The following ACBD6 variants were observed in gnomAD, a reference collection of about 807,000 sequenced individuals.
The protein encoded by ACBD6 is acyl-CoA binding domain containing 6.
ACBD6 carries 28 observed loss-of-function variants against 37.2 expected under a neutral mutation model. That is an observed-to-expected ratio of 0.75 (90% confidence interval 0.56 to 1.03). ACBD6 has a LOEUF of 1.03. Among genes scored for constraint, ACBD6 ranks in the 50% least tolerant of loss-of-function variants. ACBD6 has a pLI of 0.00. For synonymous variants in ACBD6, 113 were observed against 126.8 expected, an observed-to-expected ratio of 0.89 and a Z score of 0.73; for missense variants, 340 against 337.4, an observed-to-expected ratio of 1.01 and a Z score of -0.06.
chr1:180,432,121 T>C lies in ACBD6; in HGVS notation c.385-1859A>G, dbSNP rs139077611. ...ACCTAGGAGGCTGAAGCACAAGAAT[T>C]GCTTCAGCCTGGGATGCAGAAGCTG... On this transcript the variant is annotated intron_variant, in intron 3 of 7. Coordinates refer to ENST00000367595, the MANE Select transcript of ACBD6 (RefSeq NM_032360.4). 5.7e-3 allele frequency among the ~76,000 whole-genome samples: 870 copies of C among 151,700 alleles called. 6 individuals are homozygous for C. The highest frequency in any genetic ancestry group is 0.02 in the African/African-American group (808 of 41,282).
chr1:180,296,063 A>AT (rs1649905452), intron 7 of ACBD6, among the ~76,000 whole-genome samples: 2 of 152,246 alleles, frequency 1.3e-5, no homozygotes, highest in African/African-American at 4.8e-5. Flanking sequence ...GAAGAAAATT[A>AT]AAGCACTATT....
chr1:180,420,108 C>T (rs1051457426), intron 4 of ACBD6, among the ~76,000 whole-genome samples: 9 of 152,106 alleles, frequency 5.9e-5, no homozygotes, highest in Admixed American at 1.3e-4. Flanking sequence ...ACATCTTGTT[C>T]CTCATCATAT....
At chr1:180,279,316 A>G (rs1649233771) in intron 9 of ACBD6, among the ~76,000 whole-genome samples, 1 of 152,024 alleles carries the variant, frequency 6.6e-6, no homozygotes, top group Non-Finnish European at 1.5e-5. Flanking sequence ...TTTTTTTTTG[A>G]GACAGAGTCT....
intron 2 of ACBD6, among the ~76,000 whole-genome samples, chr1:180,494,383 T>C (rs538705554): frequency 2.0e-5 from 3 of 152,212 alleles, no homozygotes; most frequent in Admixed American, 6.5e-5. Context: ...ACATCAGGTA[T>C]TCTTTAGAAC....
chr1:180,378,731 G>C (rs1251605378), intron 6 of ACBD6, among the ~76,000 whole-genome samples: 1 of 152,128 alleles, frequency 6.6e-6, no homozygotes, highest in African/African-American at 2.4e-5. Context: ...TCCCTGCTGG[G>C]GTTTGAGGTT....
intron 6 of ACBD6, among the ~76,000 whole-genome samples, chr1:180,331,964 C>T (rs184746646): frequency 5.9e-5 from 9 of 152,298 alleles, no homozygotes; most frequent in African/African-American, 2.2e-4. Flanking sequence ...TTTCTCTTTA[C>T]TTCATTGTTA....
intron 7 of ACBD6, among the ~76,000 whole-genome samples, chr1:180,290,844 T>C (rs16855695): frequency 0.052 from 7,985 of 152,218 alleles, 682 homozygotes; most frequent in African/African-American, 0.17. Context: ...AGAGGTTGGA[T>C]TGAAGTCAAG....
At chr1:180,354,703 T>C (rs1652555845) in intron 6 of ACBD6, among the ~76,000 whole-genome samples, 1 of 152,190 alleles carries the variant, frequency 6.6e-6, no homozygotes, top group African/African-American at 2.4e-5. Context: ...GGAGAATGAA[T>C]GACTGTATTA....
At chr1:180,291,724 T>C (rs1649714817) in intron 7 of ACBD6, among the ~76,000 whole-genome samples, 1 of 152,182 alleles carries the variant, frequency 6.6e-6, no homozygotes, top group African/African-American at 2.4e-5. Flanking sequence ...TTTTTTCTTT[T>C]ATAGTTTGTG....
chr1:180,289,073 A>G (rs975759098), intron 7 of ACBD6, among the ~76,000 whole-genome samples: 2 of 151,644 alleles, frequency 1.3e-5, no homozygotes, highest in Non-Finnish European at 2.9e-5. Context: ...CAATGGGTGT[A>G]ACTGATAAGT....
At chr1:180,448,591 G>C (rs570560132) in intron 3 of ACBD6, among the ~76,000 whole-genome samples, 1 of 152,240 alleles carries the variant, frequency 6.6e-6, no homozygotes, top group Admixed American at 6.5e-5. Context: ...TATACTGGAA[G>C]AAAGTTTTGG....
At chr1:180,281,761 G>C (rs1351362489) in intron 8 of ACBD6, among the ~76,000 whole-genome samples, 1 of 150,572 alleles carries the variant, frequency 6.6e-6, no homozygotes, top group Admixed American at 6.6e-5. Context: ...AGTTAGGAGG[G>C]AGAAAAAAAA....
chr1:180,415,162 G>C (rs1054678200), intron 4 of ACBD6, among the ~76,000 whole-genome samples: 1 of 151,964 alleles, frequency 6.6e-6, no homozygotes, highest in African/African-American at 2.4e-5. Flanking sequence ...ATTTTGGGAG[G>C]CCAAGGCGGG....
chr1:180,491,626 C>T (rs1053808364), intron 3 of ACBD6, among the ~76,000 whole-genome samples: 9 of 152,076 alleles, frequency 5.9e-5, no homozygotes, highest in Admixed American at 1.3e-4. Flanking sequence ...GCATTTTGCC[C>T]TTGCATAGAA....
At chr1:180,477,261 A>C (rs1650835542) in intron 3 of ACBD6, among the ~76,000 whole-genome samples, 1 of 152,160 alleles carries the variant, frequency 6.6e-6, no homozygotes, top group African/African-American at 2.4e-5. Context: ...AGGTGACTGA[A>C]ACCCCTCAGA....
At chr1:180,482,542 T>TA (rs1488677813) in intron 3 of ACBD6, among the ~76,000 whole-genome samples, 1 of 150,674 alleles carries the variant, frequency 6.6e-6, no homozygotes, top group Non-Finnish European at 1.5e-5. Context: ...ACCAAGGTAT[T>TA]AACAATATCA....
chr1:180,288,040 T>TA (rs1167259532), downstream of ACBD6, among the ~76,000 whole-genome samples: 1 of 152,216 alleles, frequency 6.6e-6, no homozygotes, highest in Non-Finnish European at 1.5e-5. Context: ...GTATGTTTTT[T>TA]AAAAAAGCAG....
chr1:180,372,383 C>A (rs1316713216), intron 6 of ACBD6, among the ~76,000 whole-genome samples: 1 of 151,986 alleles, frequency 6.6e-6, no homozygotes, highest in Non-Finnish European at 1.5e-5. Context: ...TCAGTATGCA[C>A]CTAAAAACAA....
At chr1:180,320,896 G>A (rs1651044423) in intron 6 of ACBD6, among the ~76,000 whole-genome samples, 1 of 152,084 alleles carries the variant, frequency 6.6e-6, no homozygotes, top group Non-Finnish European at 1.5e-5. Flanking sequence ...TTTCCCCAAT[G>A]TTTTCTTGTA....
Sources: gnomAD v4.1 joint callset for allele counts (sites outside exome capture counted in the v4.1 genomes callset) on GRCh38, gnomAD v4.1.1 for gene constraint, MANE v1.5 for transcripts, NCBI Gene and HGNC (gene_info 2026-07-23, HGNC 2026-07-21) for gene names.